The following ANK3 variants were observed in gnomAD, a reference collection of about 807,000 sequenced individuals.
ANK3 encodes ankyrin-3.
Under a neutral mutation model 370.9 loss-of-function variants are expected in ANK3, and 57 were observed. The ratio of observed to expected loss-of-function variants is 0.15; its 90% confidence interval spans 0.12 to 0.19. ANK3 has a LOEUF of 0.19. Among genes scored for constraint, ANK3 ranks in the 10% least tolerant of loss-of-function variants. The pLI is 1.00. For missense variants in ANK3, 4,439 were observed against 5,302.1 expected, an observed-to-expected ratio of 0.84 and a Z score of 5.06; for synonymous variants, 1,929 against 1,946.3, an observed-to-expected ratio of 0.99 and a Z score of 0.23.
At chr10:60,585,477 G>A (rs768015948) in intron 2 of ANK3, among the ~76,000 whole-genome samples, 25 of 152,136 alleles carry the variant, frequency 1.6e-4, no homozygotes, top group Non-Finnish European at 1.3e-4. Flanking sequence ...ATAGGATACT[G>A]AGAACAACTT....
chr10:60,644,522 A>C (rs898042891), intron 1 of ANK3, among the ~76,000 whole-genome samples: 3 of 152,172 alleles, frequency 2.0e-5, no homozygotes, highest in Non-Finnish European at 2.9e-5. Flanking sequence ...TGTCTTTAAA[A>C]GTACCAATTT....
chr10:60,136,010 G>A (rs1043479966), intron 24 of ANK3, among the ~76,000 whole-genome samples: 4 of 151,478 alleles, frequency 2.6e-5, no homozygotes, highest in Non-Finnish European at 4.4e-5. Context: ...CTGCACAGAG[G>A]AACTTATCTA....
intron 2 of ANK3, among the ~76,000 whole-genome samples, chr10:60,483,674 T>C (rs2133106039): frequency 6.6e-6 from 1 of 152,294 alleles, no homozygotes. Flanking sequence ...CTTTCGCTTT[T>C]AATGACAATG....
chr10:60,339,826 C>A (rs1421836539), intron 1 of ANK3, among the ~76,000 whole-genome samples: 1 of 152,154 alleles, frequency 6.6e-6, no homozygotes. Flanking sequence ...GCGGTACTAA[C>A]TAGAATTTAC....
Position 60,640,737 on chromosome 10 carries a change from G to A in ANK3, c.58-25513C>T, listed in dbSNP as rs1306034113. Reference sequence around the variant, plus strand: ...CCTTTGAAAACTGGCACAAGACAGCGATGCCCTCTCTCACCACTCCTATTC... The same window carrying A: ...CCTTTGAAAACTGGCACAAGACAGCAATGCCCTCTCTCACCACTCCTATTC... On this transcript the variant is annotated intron_variant, in intron 1 of 43. Transcript: ENST00000373827. 2.3e-5 allele frequency among the ~76,000 whole-genome samples: 2 copies of A among 87,956 alleles called. 1 individual carries two copies. 57.7% of individuals were successfully genotyped at this position (87,956 alleles called of 152,430 possible). A position where few individuals can be genotyped will look rare whatever the true frequency, so the allele number is the denominator to read the frequency against.
At chr10:60,542,871 T>G (rs1419867057) in intron 2 of ANK3, among the ~76,000 whole-genome samples, 3 of 151,960 alleles carry the variant, frequency 2.0e-5, no homozygotes, top group Non-Finnish European at 4.4e-5. Context: ...TAATGATGTT[T>G]AAAGCTGTGG....
At chr10:60,510,035 G>A (rs1335267535) in intron 2 of ANK3, among the ~76,000 whole-genome samples, 1 of 151,700 alleles carries the variant, frequency 6.6e-6, no homozygotes, top group Admixed American at 6.6e-5. Context: ...AATCCCACAA[G>A]GCCATGGTCT....
intron 1 of ANK3, among the ~76,000 whole-genome samples, chr10:60,702,123 AG>A (rs2079552993): frequency 6.6e-6 from 1 of 152,014 alleles, no homozygotes; most frequent in Non-Finnish European, 1.5e-5. Flanking sequence ...GAAATTAGTC[AG>A]GTGGGGTGGC....
intron 7 of ANK3, among the ~76,000 whole-genome samples, chr10:60,244,333 G>A (rs1213749415): frequency 9.2e-5 from 14 of 152,152 alleles, no homozygotes; most frequent in Admixed American, 9.2e-4. Context: ...TTATCATTAA[G>A]GGAAGAGTTA....
chr10:60,333,659 C>T (rs974206470), intron 1 of ANK3, among the ~76,000 whole-genome samples: 20 of 152,282 alleles, frequency 1.3e-4, no homozygotes, highest in African/African-American at 4.8e-4. Flanking sequence ...TGGGTATACA[C>T]CCAGTAATGG....
intron 1 of ANK3, among the ~76,000 whole-genome samples, chr10:60,355,632 C>G (rs35150727): frequency 6.6e-6 from 1 of 152,208 alleles, no homozygotes; most frequent in African/African-American, 2.4e-5. Context: ...CCCTTCTAAC[C>G]TACTCACAAA....
intron 1 of ANK3, among the ~76,000 whole-genome samples, chr10:60,723,357 C>A (rs898486123): frequency 1.1e-4 from 17 of 152,172 alleles, no homozygotes; most frequent in African/African-American, 4.1e-4. Context: ...GAAATTCATT[C>A]TTTGATGTCA....
chr10:60,562,456 CA>C (rs1443094945), intron 2 of ANK3, among the ~76,000 whole-genome samples: 2 of 152,094 alleles, frequency 1.3e-5, no homozygotes, highest in Admixed American at 6.6e-5. Context: ...CTCTGCCTCC[CA>C]GGCTGGAGTG....
chr10:60,405,669 A>G (rs1170809313), intron 2 of ANK3, among the ~76,000 whole-genome samples: 1 of 152,158 alleles, frequency 6.6e-6, no homozygotes, highest in Non-Finnish European at 1.5e-5. Context: ...GTAAATAAAT[A>G]CCTCCAATTA....
intron 1 of ANK3, among the ~76,000 whole-genome samples, chr10:60,623,302 T>C (rs1249604473): frequency 6.6e-6 from 1 of 151,768 alleles, no homozygotes; most frequent in Non-Finnish European, 1.5e-5. Flanking sequence ...GCCACAGAGA[T>C]GTACAAAGAA....
chr10:60,212,995 C>T (rs949947311), intron 9 of ANK3, among the ~76,000 whole-genome samples: 1 of 152,078 alleles, frequency 6.6e-6, no homozygotes, highest in African/African-American at 2.4e-5. Context: ...AGTTTCCAGT[C>T]TTTATCAGCT....
intron 1 of ANK3, chr10:60,733,257 G>A: frequency 8.1e-7 from 1 of 1,239,644 alleles, no homozygotes; most frequent in East Asian, 3.1e-5. Context: ...GCGGCGCGGC[G>A]CTCACCTGGG....
intron 1 of ANK3, among the ~76,000 whole-genome samples, chr10:60,675,906 C>G (rs2079118753): frequency 6.7e-6 from 1 of 149,866 alleles, no homozygotes; most frequent in Non-Finnish European, 1.5e-5. Context: ...ACATAGCCAA[C>G]AAAGAAGTTG....
intron 1 of ANK3, among the ~76,000 whole-genome samples, chr10:60,337,026 T>TA (rs35493873): frequency 0.38 from 57,180 of 148,836 alleles, 11,517 homozygotes; most frequent in Middle Eastern, 0.51. Context: ...AAAAAGGCTT[T>TA]AAAAAAAAAA....
Sources: allele counts gnomAD v4.1 joint callset (sites outside exome capture counted in the v4.1 genomes callset), GRCh38; gene constraint gnomAD v4.1.1; transcripts MANE v1.5; gene names NCBI Gene and HGNC (gene_info 2026-07-23, HGNC 2026-07-21).